Variants in MDGA2 observed in about 807,000 individuals in gnomAD.
MDGA2 encodes the protein MAM domain containing glycosylphosphatidylinositol anchor 2, also known as MAM domain-containing glycosylphosphatidylinositol anchor protein 2.
MDGA2 carries 40 observed loss-of-function variants against 117.8 expected under a neutral mutation model. The observed-to-expected ratio is 0.34, with a 90% CI of 0.26 to 0.44. The LOEUF (loss-of-function observed/expected upper bound fraction) is 0.44, where lower values mean the gene tolerates loss of function less well. Among genes scored for constraint, MDGA2 ranks in the 20% least tolerant of loss-of-function variants. The probability of loss-of-function intolerance (pLI) is 1.00; values close to 1 mark genes in which losing one functional copy is unlikely to be tolerated. For synonymous variants in MDGA2, 452 were observed against 439.0 expected (o/e 1.03, Z -0.37); for missense variants, 1,123 against 1,250.6 (o/e 0.90, Z 1.54).
intron 5 of MDGA2, among the ~76,000 whole-genome samples, chr14:47,103,464 T>A (rs371329520): frequency 4.6e-5 from 7 of 152,230 alleles, no homozygotes; most frequent in African/African-American, 1.7e-4. Context: ...ATCCTTCACA[T>A]ATTGATTGAC....
At chr14:47,354,192 T>C (rs1172238516) in intron 1 of MDGA2, among the ~76,000 whole-genome samples, 1 of 152,200 alleles carries the variant, frequency 6.6e-6, no homozygotes, top group East Asian at 1.9e-4. Flanking sequence ...GCTAACATCA[T>C]AATCAATAGT....
At chr14:47,482,171 A>G (rs1343215350) in intron 1 of MDGA2, among the ~76,000 whole-genome samples, 1 of 152,048 alleles carries the variant, frequency 6.6e-6, no homozygotes, top group Non-Finnish European at 1.5e-5. Context: ...AAAACAAATA[A>G]GGAGGCTTTA....
intron 1 of MDGA2, among the ~76,000 whole-genome samples, chr14:47,615,896 G>C (rs970440902): frequency 3.3e-5 from 5 of 152,104 alleles, no homozygotes; most frequent in Non-Finnish European, 4.4e-5. Flanking sequence ...TGACACACTG[G>C]AACAATCTGA....
intron 2 of MDGA2, among the ~76,000 whole-genome samples, chr14:47,273,986 G>T (rs1284444051): frequency 6.6e-6 from 1 of 152,080 alleles, no homozygotes; most frequent in Non-Finnish European, 1.5e-5. Flanking sequence ...CTCAAATTGA[G>T]TTTCAGATAA....
Position 46,984,763 on chromosome 14 carries a change from C to T in MDGA2, c.1820-27120G>A, listed in dbSNP as rs137964454. ...GCAAAAGAATTAACAATTACTTCCA[C>T]GTTCTAATTTTCTGTTAAGAAAAAA... On this transcript the variant is annotated intron_variant, in intron 8 of 16. Coordinates refer to ENST00000399232, the MANE Select transcript of MDGA2 (RefSeq NM_001113498.3). Among the ~76,000 whole-genome samples the T allele has an allele frequency of 4.6e-3, 706 of 152,128 alleles. 9 individuals are homozygous for T. The highest frequency in any genetic ancestry group is 0.014 in the African/African-American group (585 of 41,546).
chr14:47,250,960 A>C lies in MDGA2; in HGVS notation c.421-32765T>G, dbSNP rs557090836. ...CCACTATTATTATCTCACCTGAAAT[A>C]TATCAGTCACTTCTTACTGGGTTGA... On this transcript the variant is annotated intron_variant, in intron 2 of 16. Coordinates refer to ENST00000399232, the MANE Select transcript of MDGA2 (RefSeq NM_001113498.3). Among the ~76,000 whole-genome samples, 34 of 152,306 alleles carry C rather than the reference A, an allele frequency of 2.2e-4. No homozygotes were observed. The South Asian group carries it at 6.6e-3, about 30-fold the overall frequency.
At chr14:47,038,941 C>G (rs1888962490) in intron 7 of MDGA2, among the ~76,000 whole-genome samples, 1 of 149,556 alleles carries the variant, frequency 6.7e-6, no homozygotes, top group Admixed American at 6.7e-5. Flanking sequence ...CGGAGTGAGA[C>G]TCCATCTCAA....
intron 1 of MDGA2, among the ~76,000 whole-genome samples, chr14:47,375,981 A>G (rs538664030): frequency 6.6e-6 from 1 of 152,130 alleles, no homozygotes; most frequent in Non-Finnish European, 1.5e-5. Flanking sequence ...ATGATACTCT[A>G]TTTACCTATA....
chr14:47,244,463 C>T (rs1429230333), intron 2 of MDGA2, among the ~76,000 whole-genome samples: 1 of 151,752 alleles, frequency 6.6e-6, no homozygotes, highest in Non-Finnish European at 1.5e-5. Context: ...TGGTATCTAA[C>T]ATATTTTTTT....
chr14:47,582,226 A>G (rs1230268237), intron 1 of MDGA2, among the ~76,000 whole-genome samples: 3 of 151,858 alleles, frequency 2.0e-5, no homozygotes, highest in African/African-American at 4.8e-5. Flanking sequence ...TATGAGACAT[A>G]AAAGAGGGAG....
chr14:47,343,426 T>C (rs1052671706), intron 1 of MDGA2, among the ~76,000 whole-genome samples: 1 of 152,184 alleles, frequency 6.6e-6, no homozygotes, highest in African/African-American at 2.4e-5. Context: ...CTTTGTATCA[T>C]GTCACTACAT....
intron 1 of MDGA2, among the ~76,000 whole-genome samples, chr14:47,373,834 C>T (rs893176381): frequency 1.3e-5 from 2 of 152,020 alleles, no homozygotes; most frequent in South Asian, 2.1e-4. Context: ...GAATAATACT[C>T]GATGTAGCTG....
intron 9 of MDGA2, among the ~76,000 whole-genome samples, chr14:46,925,727 C>T (rs1002445284): frequency 1.3e-5 from 2 of 148,710 alleles, no homozygotes; most frequent in Non-Finnish European, 3.0e-5. Flanking sequence ...CACCATGGAA[C>T]ATTCTATGAA....
chr14:47,314,404 C>T (rs1022959941), intron 1 of MDGA2, among the ~76,000 whole-genome samples: 1 of 152,110 alleles, frequency 6.6e-6, no homozygotes, highest in Admixed American at 6.6e-5. Context: ...ATTTTTCAGG[C>T]ACAGTGGCTC....
chr14:47,087,815 A>C (rs953044004), intron 6 of MDGA2, among the ~76,000 whole-genome samples: 17 of 151,938 alleles, frequency 1.1e-4, no homozygotes, highest in African/African-American at 4.1e-4. Context: ...AAAAAAAAAA[A>C]AAAACTACCA....
intron 1 of MDGA2, among the ~76,000 whole-genome samples, chr14:47,384,912 A>G (rs1009993444): frequency 1.3e-5 from 2 of 152,242 alleles, no homozygotes; most frequent in Non-Finnish European, 2.9e-5. Flanking sequence ...TGGAGGAACC[A>G]TACAACGAAT....
chr14:47,000,082 T>C (rs1240454958), intron 8 of MDGA2, among the ~76,000 whole-genome samples: 1 of 151,634 alleles, frequency 6.6e-6, no homozygotes, highest in Admixed American at 6.6e-5. Context: ...AAAACTGCAA[T>C]TATATGTATA....
chr14:47,619,148 CACAGATACAT>C (rs1165802533), intron 1 of MDGA2, among the ~76,000 whole-genome samples: 1 of 148,696 alleles, frequency 6.7e-6, no homozygotes, highest in African/African-American at 2.5e-5. Flanking sequence ...CACACACACA[CACAGATACAT>C]TATCTACAAA....
chr14:47,273,311 A>C (rs931272787), intron 2 of MDGA2, among the ~76,000 whole-genome samples: 2 of 152,184 alleles, frequency 1.3e-5, no homozygotes, highest in African/African-American at 4.8e-5. Context: ...TGACAGTGGA[A>C]TCTTTCAGTA....
Sources: gnomAD v4.1 joint callset for allele counts (sites outside exome capture counted in the v4.1 genomes callset) on GRCh38, gnomAD v4.1.1 for gene constraint, MANE v1.5 for transcripts, NCBI Gene and HGNC (gene_info 2026-07-23, HGNC 2026-07-21) for gene names.